Variants in EHD4 observed in about 807,000 individuals in gnomAD.
EHD4 encodes the protein EH domain containing 4.
In EHD4, 37 loss-of-function variants were observed where a neutral mutation model predicts 51.0. That is an observed-to-expected ratio of 0.73 (90% CI 0.56 to 0.95). The LOEUF (loss-of-function observed/expected upper bound fraction) is 0.95. Among genes scored for constraint, EHD4 ranks in the 40% least tolerant of loss-of-function variants. The pLI is 0.00. For synonymous variants in EHD4, 297 were observed against 317.3 expected (o/e 0.94, Z 0.68); for missense variants, 632 against 733.1 (o/e 0.86, Z 1.59).
Position 41,909,859 on chromosome 15 carries a change from T to A in EHD4, c.929A>T (p.His310Leu). The A allele has an allele frequency of 6.2e-7, 1 of 1,614,242 alleles. No homozygotes were observed. Residue 310 changes from histidine (H) to leucine (L), a missense_variant, in exon 5 of 6, where the codon CAT becomes CTT. Coordinates refer to ENST00000220325, the MANE Select transcript of EHD4 (RefSeq NM_139265.4). ...LIKRARLAKV[H>L]AYIISYLKKE... ...CTTCAGGTAGCTGATGATGTAGGCA[T>A]GCACCTGGAGGGGTATAGATCAGGC...
intron 4 of EHD4, among the ~76,000 whole-genome samples, chr15:41,917,380 A>G (rs1485663138): frequency 1.3e-5 from 2 of 152,106 alleles, no homozygotes; most frequent in African/African-American, 4.8e-5. Context: ...CCGACTCCCA[A>G]AGTGCTGGGA....
intron 4 of EHD4, among the ~76,000 whole-genome samples, chr15:41,913,644 T>G (rs996426463): frequency 6.6e-6 from 1 of 152,234 alleles, no homozygotes; most frequent in Non-Finnish European, 1.5e-5. Context: ...TAACTTGTTA[T>G]CAACTAATGG....
At chr15:41,915,246 T>G (rs906611267) in intron 4 of EHD4, among the ~76,000 whole-genome samples, 1 of 152,238 alleles carries the variant, frequency 6.6e-6, no homozygotes, top group African/African-American at 2.4e-5. Flanking sequence ...TTTTGTCATT[T>G]TGATGACATT....
intron 5 of EHD4, chr15:41,908,365 T>TG (rs2067526138): frequency 6.6e-6 from 1 of 152,234 alleles, no homozygotes; most frequent in Non-Finnish European, 1.5e-5. Context: ...CATCACCTGC[T>TG]GGCCCTTGCC....
chr15:41,919,660 T>C (rs765295750), intron 3 of EHD4, 38 bp from the exon 4 acceptor site: 2 of 1,484,536 alleles, frequency 1.3e-6, no homozygotes, highest in South Asian at 3.0e-5. Context: ...TAGCCACTGC[T>C]GCAGGAGACA....
intron 5 of EHD4, among the ~76,000 whole-genome samples, chr15:41,906,720 T>C (rs1465325360): frequency 1.3e-5 from 2 of 152,228 alleles, no homozygotes; most frequent in Non-Finnish European, 2.9e-5. Context: ...CTCTGGGGCT[T>C]TGGGGTTGCG....
rs1303230679 is a variant in EHD4, at chr15:41,919,483, G to A, written c.651C>T (p.Ile217=). 1.3e-6 allele frequency: 2 copies of A among 1,560,068 alleles called. No individual in the cohort carries two copies. The highest frequency in any genetic ancestry group is 8.7e-7 in the Non-Finnish European group (1 of 1,155,018). ...GGTCGGCCTTGTTCAGCACGACACG[G>A]ATCTTGTCGTCCTGGCCCCGGAAGG... is the stretch of plus-strand genomic sequence containing the variant. ...IKAFRGQDDK[I]RVVLNKADQV... Residue 217 remains isoleucine (I), a synonymous_variant, in exon 4 of 6, where the codon ATC becomes ATT. Coordinates refer to ENST00000220325, the MANE Select transcript of EHD4 (RefSeq NM_139265.4).
At chr15:41,946,620 G>A (rs2067816959) in intron 2 of EHD4, among the ~76,000 whole-genome samples, 1 of 152,232 alleles carries the variant, frequency 6.6e-6, no homozygotes, top group African/African-American at 2.4e-5. Context: ...CAGCTACTCA[G>A]GAGCCTGAGG....
intron 2 of EHD4, among the ~76,000 whole-genome samples, chr15:41,951,636 C>T (rs766195336): frequency 1.3e-5 from 2 of 152,204 alleles, no homozygotes; most frequent in Non-Finnish European, 2.9e-5. Flanking sequence ...GAGCCCCAGA[C>T]AAAGGGCAGT....
intron 3 of EHD4, among the ~76,000 whole-genome samples, chr15:41,924,772 G>A (rs1304797351): frequency 1.3e-5 from 2 of 152,144 alleles, no homozygotes; most frequent in Non-Finnish European, 2.9e-5. Context: ...TGTACAATTA[G>A]ATAGAATAGA....
In EHD4 at chr15:41,919,370, A is replaced by T; in HGVS notation, c.764T>A (p.Val255Asp). The T allele has an allele frequency of 6.2e-7, 1 of 1,613,740 alleles. No individual in the cohort carries two copies. The highest frequency in any genetic ancestry group is 8.5e-7 in the Non-Finnish European group (1 of 1,179,770). ...KVINTPEVLR[V>D]YIGSFWAQPL... The stretch of plus-strand genomic sequence containing the variant: ...CTGCGCCCAGAAGGAGCCAATGTAG[A>T]CGCGCAGTACCTCGGGCGTGTTGAT... The change falls in exon 4 of 6, where the codon GTC (valine) becomes GAC (aspartate). Residue 255 changes from valine (V) to aspartate (D), a missense_variant. Val to Asp is a radical substitution (Grantham distance 152). Coordinates refer to ENST00000220325, the MANE Select transcript of EHD4 (RefSeq NM_139265.4).
At chr15:41,937,097 TGA>T (rs2067736501) in intron 3 of EHD4, among the ~76,000 whole-genome samples, 1 of 152,232 alleles carries the variant, frequency 6.6e-6, no homozygotes, top group African/African-American at 2.4e-5. Flanking sequence ...AATGGCTTCA[TGA>T]TCCACGCCTG....
At position 41,909,829 on chromosome 15, in the gene EHD4, T is replaced by A. The variant is rs2067537138; in HGVS notation, c.959A>T (p.Glu320Val). Reference protein sequence around the residue: ...HAYIISYLKKEMPSVFGKENK... With the variant: ...HAYIISYLKKVMPSVFGKENK... ...TTCCTTTCCAAATACACTTGGCATC[T>A]CCTTCTTCAGGTAGCTGATGATGTA... Residue 320 changes from glutamate to valine, a missense_variant, in exon 5 of 6, where the codon GAG (glutamate) becomes GTG (valine). Transcript: ENST00000220325. 6.2e-7 allele frequency: 1 copy of A among 1,614,114 alleles called. No homozygotes were observed. Among genetic ancestry groups the A allele is most frequent in the Non-Finnish European group, 8.5e-7 (1 of 1,180,052 alleles).
chr15:41,950,366 G>A (rs1031661673), intron 2 of EHD4, among the ~76,000 whole-genome samples: 3 of 152,300 alleles, frequency 2.0e-5, no homozygotes, highest in South Asian at 2.1e-4. Context: ...AGGTAATAAC[G>A]ATCTGTCACA....
rs1369991955 is a variant in EHD4 at position 41,900,179 on chromosome 15, CAAAAT to C, written c.*461_*465del. 6.3e-6 allele frequency: 1 copy of C among 158,250 alleles called. No homozygotes were observed. The highest frequency in any genetic ancestry group is 2.4e-5 in the African/African-American group (1 of 41,588). The allele number at this position is 158,250 out of a possible 1,614,324, so 9.8% of individuals were successfully genotyped here. On this transcript the variant is annotated 3_prime_UTR_variant, in exon 6 of 6. Transcript: ENST00000220325. This position sits in a 1 kb window ranked among gnomAD's most constrained non-coding sequence, Gnocchi z 4.8. ...TTGCCACTCTAAATATAGCAGAAAA[CAAAAT>C]AAAATAAATAAGATAATCTTTGCTG...
chr15:41,930,542 G>A (rs566456497), intron 3 of EHD4, among the ~76,000 whole-genome samples: 5 of 152,094 alleles, frequency 3.3e-5, no homozygotes, highest in Non-Finnish European at 5.9e-5. Context: ...TTAAACCAAC[G>A]GGATGACAAC....
chr15:41,919,112 C>G, intron 4 of EHD4, 98 bp downstream of exon 4: 1 of 1,498,116 alleles, frequency 6.7e-7, no homozygotes, highest in Non-Finnish European at 9.2e-7. Flanking sequence ...ATTCCTTAAG[C>G]CTTCTGGAAC....
intron 3 of EHD4, chr15:41,928,471 C>T (rs2067677450): frequency 6.6e-6 from 1 of 152,222 alleles, no homozygotes; most frequent in African/African-American, 2.4e-5. Flanking sequence ...ACCCGCTGCG[C>T]TGCACCATAT....
intron 2 of EHD4, among the ~76,000 whole-genome samples, chr15:41,944,406 G>A (rs1342331001): frequency 2.0e-5 from 3 of 152,166 alleles, no homozygotes; most frequent in Non-Finnish European, 2.9e-5. Flanking sequence ...CTGTGTCTGT[G>A]TGGGCAGAAA....
Sources: allele counts gnomAD v4.1 joint callset (sites outside exome capture counted in the v4.1 genomes callset), GRCh38; gene constraint gnomAD v4.1.1; non-coding constraint Gnocchi (gnomAD v3.1); transcripts MANE v1.5; gene names NCBI Gene and HGNC (gene_info 2026-07-23, HGNC 2026-07-21).